The following AATF variants were observed in gnomAD, a reference collection of about 807,000 sequenced individuals.
AATF encodes protein AATF.
Under a neutral mutation model 63.7 loss-of-function variants are expected in AATF, and 48 were observed. The observed-to-expected ratio is 0.75, with a 90% CI of 0.60 to 0.96. AATF has a LOEUF of 0.96. Among genes scored for constraint, AATF ranks in the 40% least tolerant of loss-of-function variants. The pLI is 0.00. For missense variants in AATF, 639 were observed against 685.7 expected, an observed-to-expected ratio of 0.93 and a Z score of 0.76; for synonymous variants, 258 against 247.7, an observed-to-expected ratio of 1.04 and a Z score of -0.39.
At chr17:36,985,306 T>G (rs1352197782) in intron 4 of AATF, among the ~76,000 whole-genome samples, 1 of 152,010 alleles carries the variant, frequency 6.6e-6, no homozygotes, top group East Asian at 1.9e-4. Flanking sequence ...CTTCACTCTA[T>G]TGCTCAGGCT....
intron 10 of AATF, among the ~76,000 whole-genome samples, chr17:37,021,829 A>C: frequency 6.8e-6 from 1 of 147,638 alleles, no homozygotes; most frequent in Non-Finnish European, 1.5e-5. Flanking sequence ...AAATAATAAT[A>C]ATAATAATAA....
At chr17:36,999,011 T>C (rs1343750502) in intron 8 of AATF, 2 of 152,352 alleles carry the variant, frequency 1.3e-5, no homozygotes, top group Admixed American at 6.5e-5. Flanking sequence ...CCTGATCTAA[T>C]TCTACAGTAA....
intron 9 of AATF, among the ~76,000 whole-genome samples, chr17:37,019,633 A>G (rs1369060903): frequency 1.3e-5 from 2 of 152,242 alleles, no homozygotes; most frequent in African/African-American, 4.8e-5. Context: ...AAGGGCATTT[A>G]GAATGCTACC....
At chr17:37,053,975 A>G (rs1227913241) in intron 11 of AATF, among the ~76,000 whole-genome samples, 1 of 152,230 alleles carries the variant, frequency 6.6e-6, no homozygotes, top group Non-Finnish European at 1.5e-5. Context: ...CATCCTGGTC[A>G]TTATATATTT....
chr17:37,028,446 A>G (rs536226617), intron 10 of AATF, among the ~76,000 whole-genome samples: 5 of 152,070 alleles, frequency 3.3e-5, no homozygotes, highest in African/African-American at 9.6e-5. Flanking sequence ...AAAACAAAAC[A>G]TCACCAACAA....
At chr17:36,968,250 T>TTTTC (rs2071008193) in intron 4 of AATF, among the ~76,000 whole-genome samples, 1 of 143,200 alleles carries the variant, frequency 7.0e-6, no homozygotes, top group Non-Finnish European at 1.5e-5. Context: ...TCTTTTTTCT[T>TTTTC]TTTCTTTCTT....
chr17:37,017,590 T>A (rs1192232395), intron 8 of AATF, among the ~76,000 whole-genome samples: 1 of 152,208 alleles, frequency 6.6e-6, no homozygotes, highest in Non-Finnish European at 1.5e-5. Context: ...ATCAATCAGA[T>A]AAACAGGGTA....
intron 4 of AATF, among the ~76,000 whole-genome samples, chr17:36,960,125 T>A (rs2142210949): frequency 6.6e-6 from 1 of 152,238 alleles, no homozygotes. Flanking sequence ...GTGATTCTCC[T>A]GCCTCAGCCT....
At chr17:36,955,417 C>T (rs2070891382) in intron 4 of AATF, among the ~76,000 whole-genome samples, 1 of 152,204 alleles carries the variant, frequency 6.6e-6, no homozygotes, top group African/African-American at 2.4e-5. Flanking sequence ...CTTACGTGGC[C>T]TGTGTGGGTG....
intron 4 of AATF, 80 bp from the exon 5 acceptor site, chr17:36,986,537 G>T: frequency 8.8e-7 from 1 of 1,141,110 alleles, no homozygotes; most frequent in Admixed American, 1.7e-5. Context: ...GAACTGCTCA[G>T]GAGTCATGAG....
chr17:36,991,136 G>A (rs2071211451), intron 8 of AATF, among the ~76,000 whole-genome samples: 2 of 152,144 alleles, frequency 1.3e-5, no homozygotes, highest in South Asian at 4.1e-4. Flanking sequence ...TCTGAGTCAA[G>A]TGGGTTCTTT....
rs1040154384 is a variant in AATF at position 37,037,116 on chromosome 17, C to T, written c.1619+5431C>T. Reference sequence around the variant, plus strand: ...CTCCGCCTCCTGGGTTCAAGTGATTCTCCTGCCTCAGCCTCCCGAGTAGCT... The same window carrying T: ...CTCCGCCTCCTGGGTTCAAGTGATTTTCCTGCCTCAGCCTCCCGAGTAGCT... On this transcript the variant is annotated intron_variant, in intron 11 of 11. Coordinates refer to ENST00000619387, the MANE Select transcript of AATF (RefSeq NM_012138.4). Among the ~76,000 whole-genome samples, 7 of 150,656 alleles carry T rather than the reference C, an allele frequency of 4.6e-5. No homozygotes were observed. The South Asian group carries it at 1.5e-3, about 32-fold the overall frequency.
At chr17:36,965,227 A>G (rs2070982031) in intron 4 of AATF, among the ~76,000 whole-genome samples, 2 of 152,196 alleles carry the variant, frequency 1.3e-5, no homozygotes, top group Non-Finnish European at 1.5e-5. Context: ...CCTAAAATCA[A>G]GGTGTCAGCA....
intron 11 of AATF, 24 bp from the exon 12 acceptor site, chr17:37,056,577 C>A (rs2142336258): frequency 6.2e-7 from 1 of 1,613,434 alleles, no homozygotes; most frequent in East Asian, 2.2e-5. Flanking sequence ...GTGTGTTAAC[C>A]AGTTTGCTGT....
intron 4 of AATF, among the ~76,000 whole-genome samples, chr17:36,960,090 T>C (rs990613785): frequency 6.6e-6 from 1 of 151,964 alleles, no homozygotes; most frequent in Non-Finnish European, 1.5e-5. Context: ...CTTGGCTCAC[T>C]GCAACCTCTG....
chr17:37,027,405 T>G (rs1489108564), intron 10 of AATF, among the ~76,000 whole-genome samples: 1 of 152,168 alleles, frequency 6.6e-6, no homozygotes, highest in Non-Finnish European at 1.5e-5. Flanking sequence ...GCACCGAGAC[T>G]AGATGCTAAG....
At chr17:37,013,075 T>A (rs757119389) in intron 8 of AATF, among the ~76,000 whole-genome samples, 1 of 152,094 alleles carries the variant, frequency 6.6e-6, no homozygotes, top group African/African-American at 2.4e-5. Context: ...GGAAAATGAA[T>A]AAGGGACTGG....
At chr17:36,953,996 A>G in intron 4 of AATF, 89 bp downstream of exon 4, 1 of 1,404,508 alleles carries the variant, frequency 7.1e-7, no homozygotes, top group Non-Finnish European at 9.7e-7. Context: ...AGCTTGAGCC[A>G]TGTTTATTGT....
At chr17:36,978,193 T>C (rs1032423267) in intron 4 of AATF, among the ~76,000 whole-genome samples, 2 of 152,262 alleles carry the variant, frequency 1.3e-5, no homozygotes, top group Middle Eastern at 3.4e-3. Flanking sequence ...ATATATTTTA[T>C]CATATGTCTC....
Sources: gnomAD v4.1 joint callset for allele counts (sites outside exome capture counted in the v4.1 genomes callset) on GRCh38, gnomAD v4.1.1 for gene constraint, MANE v1.5 for transcripts, NCBI Gene and HGNC (gene_info 2026-07-23, HGNC 2026-07-21) for gene names.